TSNARE1: variants seen among roughly 807,000 people sequenced by gnomAD.
TSNARE1 encodes the protein t-SNARE domain containing 1.
A neutral mutation model predicts 62.0 loss-of-function variants in TSNARE1; 49 were observed. The observed-to-expected ratio is 0.79, with a 90% CI of 0.63 to 1.00. The LOEUF is 1.00. TSNARE1 is among the 50% of genes least tolerant of loss of function. TSNARE1 has a pLI of 0.00. For missense variants in TSNARE1, 755 were observed against 700.1 expected, an observed-to-expected ratio of 1.08 and a Z score of -0.88; for synonymous variants, 328 against 294.4, an observed-to-expected ratio of 1.11 and a Z score of -1.17.
chr8:142,388,357 A>G (rs868374894), intron 1 of TSNARE1, among the ~76,000 whole-genome samples: 1 of 152,106 alleles, frequency 6.6e-6, no homozygotes, highest in Non-Finnish European at 1.5e-5. Context: ...TAAAAACACC[A>G]TTAGCTACCA....
At chr8:142,329,317 A>G (rs1830687275) in intron 6 of TSNARE1, among the ~76,000 whole-genome samples, 1 of 152,188 alleles carries the variant, frequency 6.6e-6, no homozygotes, top group Admixed American at 6.5e-5. Flanking sequence ...TCCTCAGACC[A>G]GGACAGTCTC....
At chr8:142,224,942 C>T (rs1283153885) in intron 13 of TSNARE1, among the ~76,000 whole-genome samples, 5 of 152,204 alleles carry the variant, frequency 3.3e-5, no homozygotes, top group Non-Finnish European at 5.9e-5. Flanking sequence ...GGAGTGAAGG[C>T]GGGGCCAGCA....
chr8:142,371,684 G>A (rs954922553), intron 1 of TSNARE1, among the ~76,000 whole-genome samples: 2 of 152,098 alleles, frequency 1.3e-5, no homozygotes, highest in African/African-American at 4.8e-5. Flanking sequence ...GTGGTTCCAG[G>A]GGTGGATACA....
At chr8:142,299,014 C>G (rs1825235915) in intron 10 of TSNARE1, among the ~76,000 whole-genome samples, 1 of 152,234 alleles carries the variant, frequency 6.6e-6, no homozygotes, top group Admixed American at 6.5e-5. Flanking sequence ...CAGAGAGAAG[C>G]CCCCGAAGCA....
chr8:142,341,594 C>A (rs1206739070), intron 4 of TSNARE1, among the ~76,000 whole-genome samples: 1 of 152,174 alleles, frequency 6.6e-6, no homozygotes, highest in Non-Finnish European at 1.5e-5. Flanking sequence ...GCTAGGACAG[C>A]ACAAGGTAGA....
intron 12 of TSNARE1, among the ~76,000 whole-genome samples, chr8:142,257,515 C>T (rs1344296417): frequency 2.6e-5 from 4 of 152,138 alleles, no homozygotes; most frequent in Non-Finnish European, 4.4e-5. Context: ...CCACATTCCA[C>T]CCACCACTCC....
chr8:142,255,293 C>T (rs1004972816), intron 12 of TSNARE1, among the ~76,000 whole-genome samples: 3 of 151,670 alleles, frequency 2.0e-5, no homozygotes, highest in Non-Finnish European at 4.4e-5. Context: ...CAAGTGTCAC[C>T]ACCACCACCA....
rs541701175 is a variant in TSNARE1, at chr8:142,283,060, C to T, written c.1363+1353G>A. Among the ~76,000 whole-genome samples, 20 of 146,332 alleles carry T rather than the reference C, an allele frequency of 1.4e-4. 3 individuals carry two copies. Among genetic ancestry groups the T allele is most frequent in the African/African-American group, 5.1e-4 (19 of 37,452 alleles). ...GAGCAGAGGCGGGACCAGTGTCTGT[C>T]AGTGAGCGGAGGTGGGGCCAGTGTC... On this transcript the variant is annotated intron_variant, in intron 11 of 13. Coordinates refer to ENST00000524325, the MANE Select transcript of TSNARE1 (RefSeq NM_145003.5).
intron 13 of TSNARE1, among the ~76,000 whole-genome samples, chr8:142,219,769 C>A (rs1816119419): frequency 6.6e-6 from 1 of 152,340 alleles, no homozygotes; most frequent in South Asian, 2.1e-4. Context: ...CTGCCCTTCC[C>A]CCCTGCCCCT....
intron 3 of TSNARE1, 101 bp downstream of exon 3, chr8:142,345,642 T>C: frequency 7.3e-7 from 1 of 1,377,342 alleles, no homozygotes; most frequent in Non-Finnish European, 9.6e-7. Context: ...GGTCCCAGCC[T>C]CCTCCCTGCA....
chr8:142,283,279 G>C (rs1403233025), intron 11 of TSNARE1, among the ~76,000 whole-genome samples: 4 of 151,086 alleles, frequency 2.6e-5, no homozygotes, highest in Non-Finnish European at 5.9e-5. Context: ...GCAGAGGCGG[G>C]GCCAGTGTCT....
chr8:142,349,729 C>T (rs976960923), intron 2 of TSNARE1, among the ~76,000 whole-genome samples: 4 of 152,226 alleles, frequency 2.6e-5, no homozygotes, highest in Admixed American at 1.3e-4. Flanking sequence ...TGGCCCTCAG[C>T]GGCCCTGCCC....
Position 142,344,177 on chromosome 8 carries a change from G to A in TSNARE1, c.534C>T (p.Arg178=), listed in dbSNP as rs941964433. 2.5e-6 allele frequency: 4 copies of A among 1,613,298 alleles called. No homozygotes were observed. The highest frequency in any genetic ancestry group is 3.3e-5 in the Admixed American group (2 of 59,996). ...TGTGCTTCAGGTCCACAACGTCGCG[G>A]CGACAGTAGCCCAGCGCATTCACGG... ...LQAVNALGYC[R]RDVVDLKHKW... is the part of the protein sequence containing the mutation. The change falls in exon 4 of 14, where the codon CGC becomes CGT. Residue 178 remains arginine (R), a synonymous_variant. Coordinates refer to ENST00000524325, the MANE Select transcript of TSNARE1 (RefSeq NM_145003.5).
intron 10 of TSNARE1, among the ~76,000 whole-genome samples, chr8:142,295,972 G>C (rs1586624447): frequency 7.1e-6 from 1 of 140,468 alleles, no homozygotes; most frequent in East Asian, 2.2e-4. Context: ...GCTATCATCA[G>C]GGATGGGCCG....
At chr8:142,404,969 A>C (rs1191332395), upstream of TSNARE1, 1 of 152,330 alleles carries the variant, frequency 6.6e-6, no homozygotes, top group Non-Finnish European at 1.5e-5. Flanking sequence ...TACAAGGCGT[A>C]TATGGGGCTG....
intron 1 of TSNARE1, among the ~76,000 whole-genome samples, chr8:142,359,702 C>T (rs1458950067): frequency 1.3e-5 from 2 of 152,208 alleles, no homozygotes; most frequent in South Asian, 2.1e-4. Flanking sequence ...TGGCCAGGTG[C>T]CTCACCTGTG....
chr8:142,295,262 T>G (rs1408752017), intron 10 of TSNARE1, among the ~76,000 whole-genome samples: 1 of 152,134 alleles, frequency 6.6e-6, no homozygotes, highest in Non-Finnish European at 1.5e-5. Flanking sequence ...AAGTTCAAAT[T>G]CCAGGGCTGC....
At chr8:142,329,776 C>A (rs1393747285) in intron 6 of TSNARE1, among the ~76,000 whole-genome samples, 1 of 152,180 alleles carries the variant, frequency 6.6e-6, no homozygotes, top group Non-Finnish European at 1.5e-5. Flanking sequence ...TCCAAATTCC[C>A]TATCATGAGC....
rs373394745 is a variant in TSNARE1 at position 142,245,160 on chromosome 8, G to A, written c.1447-15581C>T. On this transcript the variant is annotated intron_variant, in intron 12 of 13. Coordinates refer to ENST00000524325, the MANE Select transcript of TSNARE1 (RefSeq NM_145003.5). ...TACACCCAGCAGACTGGCAAAAATCGAGGAGTCTGACAATATCGAATACAA... is the reference window on the plus strand; with the variant it reads ...TACACCCAGCAGACTGGCAAAAATCAAGGAGTCTGACAATATCGAATACAA... 2.6e-5 allele frequency among the ~76,000 whole-genome samples: 4 copies of A among 152,318 alleles called. No homozygotes were observed. The East Asian group carries it at 5.8e-4, about 22-fold the overall frequency.
Sources: allele counts gnomAD v4.1 joint callset (sites outside exome capture counted in the v4.1 genomes callset), GRCh38; gene constraint gnomAD v4.1.1; transcripts MANE v1.5; gene names NCBI Gene and HGNC (gene_info 2026-07-23, HGNC 2026-07-21).